NBEAL2: variants seen among roughly 807,000 people sequenced by gnomAD.
NBEAL2 encodes the protein neurobeachin like 2.
A neutral mutation model predicts 299.8 loss-of-function variants in NBEAL2; 160 were observed. The observed-to-expected ratio is 0.53, with a 90% confidence interval of 0.47 to 0.61. NBEAL2 has a LOEUF of 0.61. NBEAL2 is among the 20% of genes least tolerant of loss of function. The pLI, the probability that NBEAL2 is intolerant of heterozygous loss-of-function variation, is 0.00. For missense variants in NBEAL2, 3,112 were observed against 3,649.0 expected, an observed-to-expected ratio of 0.85 and a Z score of 3.79; for synonymous variants, 1,493 against 1,542.3, an observed-to-expected ratio of 0.97 and a Z score of 0.75.
Position 47,009,632 on chromosome 3 carries a change from C to T in NBEAL2, c.*312C>T, listed in dbSNP as rs973224727. The T allele has an allele frequency of 9.6e-6, 4 of 415,610 alleles. No homozygotes were observed. Among genetic ancestry groups the T allele is most frequent in the African/African-American group, 8.5e-5 (4 of 47,258 alleles). The allele number at this position is 415,610 out of a possible 1,614,324, so 25.7% of individuals were successfully genotyped here. A position where few individuals can be genotyped will look rare whatever the true frequency, so the allele number is the denominator to read the frequency against. On this transcript the variant is annotated 3_prime_UTR_variant, in exon 54 of 54. Coordinates refer to ENST00000450053, the MANE Select transcript of NBEAL2 (RefSeq NM_015175.3). ...CTGTTTCGTCAAAGCACGAGGGCCG[C>T]CTGTGGCCTTAATTCCTAACGGCGG... is the stretch of plus-strand genomic sequence containing the variant.
At position 47,000,722 on chromosome 3, in the gene NBEAL2, TG is replaced by T. The variant is rs1228646064; in HGVS notation, c.4306-276del. The stretch of plus-strand genomic sequence containing the variant: ...CTCCAAAGGCCCTGCCCTGGGCTTC[TG>T]GGTTTGGGGATGGGCCTCTGCTTGT... On this transcript the variant is annotated intron_variant, in intron 27 of 53. Coordinates refer to ENST00000450053, the MANE Select transcript of NBEAL2 (RefSeq NM_015175.3). The surrounding 1 kb of genome is among the most constrained non-coding windows in gnomAD (Gnocchi z 4.5). Among the ~76,000 whole-genome samples the T allele has an allele frequency of 1.3e-5, 2 of 152,218 alleles. No individual in the cohort carries two copies. The highest frequency in any genetic ancestry group is 4.8e-5 in the African/African-American group (2 of 41,458).
At chr3:46,985,043 T>C (rs1306874692) in intron 1 of NBEAL2, among the ~76,000 whole-genome samples, 1 of 152,188 alleles carries the variant, frequency 6.6e-6, no homozygotes, top group Non-Finnish European at 1.5e-5. Flanking sequence ...CCTGATTCGG[T>C]TGGTGAGAGG....
In NBEAL2 at chr3:46,991,402, G is replaced by A; in HGVS notation, c.643-4G>A. Reference sequence around the variant, plus strand: ...CCACTGCCCATCTCTGTCCACACCTGCAGGAGAACGGGCAGATGGCTGTAA... The same window carrying A: ...CCACTGCCCATCTCTGTCCACACCTACAGGAGAACGGGCAGATGGCTGTAA... On this transcript the variant is annotated splice_polypyrimidine_tract_variant and splice_region_variant and intron_variant, in intron 7 of 53. Coordinates refer to ENST00000450053, the MANE Select transcript of NBEAL2 (RefSeq NM_015175.3). This position sits in a 1 kb window ranked among gnomAD's most constrained non-coding sequence, Gnocchi z 6.2. 2 of 1,600,570 alleles carry A rather than the reference G, an allele frequency of 1.2e-6. No homozygotes were observed. Among genetic ancestry groups the A allele is most frequent in the Non-Finnish European group, 1.7e-6 (2 of 1,172,380 alleles).
rs2305635 is a variant in NBEAL2, at chr3:47,002,132, G to A, written c.4995G>A (p.Val1665=). The A allele has an allele frequency of 0.39, 602,519 of 1,550,500 alleles. 119,430 individuals carry two copies. Among genetic ancestry groups the A allele is most frequent in the Middle Eastern group, 0.47 (2,810 of 5,984 alleles). ...AAAAERCSWL[V]PLVRTLLDRA... is the part of the protein sequence containing the mutation. Reference sequence around the variant, plus strand: ...CTGCAGAGCGCTGCTCCTGGCTGGTGCCACTGGTGCGCACGCTGCTAGACC... The same window carrying A: ...CTGCAGAGCGCTGCTCCTGGCTGGTACCACTGGTGCGCACGCTGCTAGACC... The change falls in exon 31 of 54, where the codon GTG becomes GTA. Residue 1665 remains valine, a synonymous_variant. Transcript: ENST00000450053.
rs774627817 is a variant in NBEAL2, at chr3:47,003,839, A to T, written c.5744A>T (p.Glu1915Val). 1.2e-6 allele frequency: 2 copies of T among 1,610,066 alleles called. No homozygotes were observed. Among genetic ancestry groups the T allele is most frequent in the Non-Finnish European group, 8.5e-7 (1 of 1,178,016 alleles). Reference sequence around the variant, plus strand: ...AGGATGGAGGCAGCAGAACTGGATGAGCAGCGTGAGAAGCTGGTGCTGTCG... The same window carrying T: ...AGGATGGAGGCAGCAGAACTGGATGTGCAGCGTGAGAAGCTGGTGCTGTCG... ...ETPMEAAELD[E>V]QREKLVLSAE... The change falls in exon 36 of 54, where the codon GAG becomes GTG. Residue 1915 changes from glutamate (E) to valine (V), a missense_variant. By Grantham distance (121) the Glu-to-Val change is moderately radical (BLOSUM62 -2). Coordinates refer to ENST00000450053, the MANE Select transcript of NBEAL2 (RefSeq NM_015175.3). The surrounding 1 kb of genome is among the most constrained non-coding windows in gnomAD (Gnocchi z 7.0).
At chr3:46,999,206 G>A (rs927922270) in intron 24 of NBEAL2, 89 bp downstream of exon 24, 60 of 1,532,322 alleles carry the variant, frequency 3.9e-5, no homozygotes, top group East Asian at 9.6e-5. Context: ...TTGGGCCAGC[G>A]GATGAAGCTG....
chr3:46,989,289 A>G lies in NBEAL2; in HGVS notation c.381A>G (p.Arg127=), dbSNP rs1199605503. 16 of 1,609,490 alleles carry G rather than the reference A, an allele frequency of 9.9e-6. No homozygotes were observed. Among genetic ancestry groups the G allele is most frequent in the Middle Eastern group, 1.7e-4 (1 of 6,056 alleles). Residue 127 remains arginine (R), a synonymous_variant, in exon 5 of 54, where the codon CGA becomes CGG. Transcript: ENST00000450053. The surrounding 1 kb of genome is among the most constrained non-coding windows in gnomAD (Gnocchi z 5.5). Reference sequence around the variant, plus strand: ...AAGGATGCCCACCACCCCAGGGCCGAGGCACGCAGTTGGAGAATGTGGCCC... The same window carrying G: ...AAGGATGCCCACCACCCCAGGGCCGGGGCACGCAGTTGGAGAATGTGGCCC... The part of the protein sequence containing the change: ...ELKGCPPPQG[R]GTQLENVALH...
rs373644706 is a variant in NBEAL2 at position 47,006,245 on chromosome 3, C to T, written c.7000C>T (p.Pro2334Ser). The T allele has an allele frequency of 3.1e-6, 5 of 1,613,644 alleles. No individual in the cohort carries two copies. Among genetic ancestry groups the T allele is most frequent in the Non-Finnish European group, 4.2e-6 (5 of 1,179,830 alleles). ...CATTATCAGCAACTTTGGGCAGACT[C>T]CCTGTCAGCTGCTGAAGGTAAGGCC... ...EGIISNFGQT[P>S]CQLLKEPHPT... The change falls in exon 44 of 54, where the codon CCC (proline) becomes TCC (serine). Residue 2334 changes from proline to serine, a missense_variant. Physicochemically the swap from Pro to Ser is moderately conservative, Grantham distance 74. Transcript: ENST00000450053.
At position 47,003,948 on chromosome 3, in the gene NBEAL2, C is replaced by T; in HGVS notation, c.5853C>T (p.Gly1951=). 6.2e-7 allele frequency: 1 copy of T among 1,613,510 alleles called. No individual in the cohort carries two copies. Among genetic ancestry groups the T allele is most frequent in the Non-Finnish European group, 8.5e-7 (1 of 1,179,652 alleles). Residue 1951 remains glycine, a synonymous_variant, in exon 36 of 54, where the codon GGC becomes GGT. Coordinates refer to ENST00000450053, the MANE Select transcript of NBEAL2 (RefSeq NM_015175.3). This position sits in a 1 kb window ranked among gnomAD's most constrained non-coding sequence, Gnocchi z 7.0. ...CACAGAATGTATACTTCTACGATGG[C>T]AGCACTGAGCGCGTGGAAACCGAGG... ...VTTQNVYFYD[G]STERVETEEG...
At position 46,992,508 on chromosome 3, in the gene NBEAL2, G is replaced by A. The variant is rs1193734333; in HGVS notation, c.1066G>A (p.Asp356Asn). The A allele has an allele frequency of 5.0e-6, 8 of 1,606,418 alleles. No individual in the cohort carries two copies. The highest frequency in any genetic ancestry group is 5.9e-6 in the Non-Finnish European group (7 of 1,176,960). Residue 356 changes from aspartate (D) to asparagine (N), a missense_variant, in exon 10 of 54, where the codon GAC (aspartate) becomes AAC (asparagine). Asp to Asn is a conservative substitution (Grantham distance 23, BLOSUM62 1). Around this residue, in one of 3 missense-constraint regions of NBEAL2, gnomAD observed 2,243 missense variants for 2,538.1 expected, o/e 0.88. Coordinates refer to ENST00000450053, the MANE Select transcript of NBEAL2 (RefSeq NM_015175.3). ...YLQSRAPPEGDSDLATRLLTE... is the reference protein window; with the variant it reads ...YLQSRAPPEGNSDLATRLLTE... The stretch of plus-strand genomic sequence containing the variant: ...GCAGTCCCGGGCGCCCCCCGAGGGG[G>A]ACAGTGACCTGGCTACCCGGTTACT...
chr3:47,005,644 A>G (rs915668673), intron 41 of NBEAL2, 25 bp downstream of exon 41: 6 of 1,613,308 alleles, frequency 3.7e-6, no homozygotes, highest in Non-Finnish European at 5.1e-6. Context: ...CTCACACTGG[A>G]GCGGGCAGGT....
In NBEAL2 at chr3:46,994,477, G is replaced by T; in HGVS notation, c.1220G>T (p.Gly407Val). Residue 407 changes from glycine (G) to valine (V), a missense_variant, in exon 12 of 54, where the codon GGC (glycine) becomes GTC (valine). Physicochemically the swap from Gly to Val is moderately radical, Grantham distance 109. This residue lies in a region of NBEAL2 where 2,243 missense variants were observed against 2,538.1 expected (regional missense o/e 0.88). Transcript: ENST00000450053. ...CAGGAGGTGTTTAAGGAGCGCATCG[G>T]CTACCCTCACCTGCAGGAGGTTCTG... is the stretch of plus-strand genomic sequence containing the variant. ...SAKEVFKERIGYPHLQEVLQS... is the reference protein window; with the variant it reads ...SAKEVFKERIVYPHLQEVLQS... 1 of 1,595,338 alleles carries T rather than the reference G, an allele frequency of 6.3e-7. No homozygotes were observed. Among genetic ancestry groups the T allele is most frequent in the Non-Finnish European group, 8.5e-7 (1 of 1,169,732 alleles).
chr3:47,008,464 A>C, intron 51 of NBEAL2, 23 bp downstream of exon 51: 1 of 1,610,036 alleles, frequency 6.2e-7, no homozygotes, highest in African/African-American at 1.3e-5. Flanking sequence ...GGTGCCCAGC[A>C]AAGATGGAGG....
At position 47,008,992 on chromosome 3, in the gene NBEAL2, G is replaced by T; in HGVS notation, c.8031G>T (p.Leu2677=). The change falls in exon 53 of 54, where the codon CTG becomes CTT. Residue 2677 remains leucine (L), a synonymous_variant. Coordinates refer to ENST00000450053, the MANE Select transcript of NBEAL2 (RefSeq NM_015175.3). ...GTATATCCCCTCTCCCTTCCAGACT[G>T]CTCCCGGCCGCGCCTCCCTTGCCCA... ...CALHILQLNT[L]LPAAPPLPMK... 6.3e-7 allele frequency: 1 copy of T among 1,599,114 alleles called. No homozygotes were observed.
chr3:47,007,372 G>A, intron 47 of NBEAL2, 22 bp downstream of exon 47: 4 of 1,583,024 alleles, frequency 2.5e-6, no homozygotes, highest in Non-Finnish European at 3.4e-6. Context: ...GGCTGTGGGT[G>A]GGGTGGGCTA....
rs1367178660 is a variant in NBEAL2, at chr3:46,979,768, C to T, written c.-94C>T. On this transcript the variant is annotated 5_prime_UTR_variant, in exon 1 of 54. Transcript: ENST00000450053. The stretch of plus-strand genomic sequence containing the variant: ...GCGCCGCTCCGCCCCGGAGTGACGC[C>T]CTCCGCCCATGGGCCTGGCCGAGGG... 5.7e-6 allele frequency: 2 copies of T among 350,886 alleles called. No homozygotes were observed. The highest frequency in any genetic ancestry group is 1.0e-5 in the Non-Finnish European group (2 of 195,448). The allele number at this position is 350,886 out of a possible 1,614,324, so 21.7% of individuals were successfully genotyped here.
At chr3:46,984,274 C>G (rs1254149729) in intron 1 of NBEAL2, among the ~76,000 whole-genome samples, 2 of 152,168 alleles carry the variant, frequency 1.3e-5, no homozygotes, top group African/African-American at 4.8e-5. Flanking sequence ...CCACTGCACT[C>G]CAGCCTGGGC....
chr3:47,007,210 GA>G, intron 46 of NBEAL2, 30 bp from the exon 47 acceptor site: 1 of 1,609,846 alleles, frequency 6.2e-7, no homozygotes, highest in South Asian at 1.1e-5. Context: ...GCCTCTGCCA[GA>G]AACCCACCTC....
At chr3:46,980,585 G>T (rs2107234521) in intron 1 of NBEAL2, among the ~76,000 whole-genome samples, 1 of 152,232 alleles carries the variant, frequency 6.6e-6, no homozygotes, top group South Asian at 2.1e-4. Context: ...CCAGGGTGAG[G>T]GTGGGTCCTT....
Sources: gnomAD v4.1 joint callset for allele counts (sites outside exome capture counted in the v4.1 genomes callset) on GRCh38, gnomAD v4.1.1 for gene constraint, gnomAD v4.1.1 regional missense constraint, Gnocchi (gnomAD v3.1) non-coding constraint, MANE v1.5 for transcripts, NCBI Gene and HGNC (gene_info 2026-07-23, HGNC 2026-07-21) for gene names.